FSTL4: variants seen among roughly 807,000 people sequenced by gnomAD.
FSTL4 encodes the protein follistatin like 4, also known as follistatin-related protein 4.
A neutral mutation model predicts 78.2 loss-of-function variants in FSTL4; 28 were observed. That is an observed-to-expected ratio of 0.36 (90% CI 0.27 to 0.49). FSTL4 has a LOEUF of 0.49. Among genes scored for constraint, FSTL4 ranks in the 20% least tolerant of loss-of-function variants. The probability of loss-of-function intolerance (pLI) is 0.98; values close to 1 mark genes in which losing one functional copy is unlikely to be tolerated. For synonymous variants in FSTL4, 422 were observed against 440.5 expected (o/e 0.96, Z 0.53); for missense variants, 922 against 1,084.9 (o/e 0.85, Z 2.11).
At chr5:133,514,422 G>A (rs1015465340) in intron 3 of FSTL4, among the ~76,000 whole-genome samples, 38 of 152,146 alleles carry the variant, frequency 2.5e-4, no homozygotes, top group African/African-American at 8.2e-4. Context: ...AACCAGTAAA[G>A]AGCAGAACTG....
At chr5:133,352,625 G>A (rs769167302) in intron 4 of FSTL4, among the ~76,000 whole-genome samples, 1 of 152,024 alleles carries the variant, frequency 6.6e-6, no homozygotes, top group Non-Finnish European at 1.5e-5. Flanking sequence ...GCCCAGGCCG[G>A]TCTCAAATAC....
chr5:133,393,327 G>A (rs766212654), intron 4 of FSTL4, among the ~76,000 whole-genome samples: 10 of 152,312 alleles, frequency 6.6e-5, no homozygotes, highest in Non-Finnish European at 1.2e-4. Context: ...GATGTGTGGC[G>A]TTTCTTTTGG....
chr5:133,748,217 A>G, the FSTL4 span, among the ~76,000 whole-genome samples: 6 of 148,574 alleles, frequency 4.0e-5, no homozygotes, highest in Admixed American at 4.1e-4. Flanking sequence ...AAAAAAAAAA[A>G]GCCCAAACCC....
At chr5:133,562,699 C>T (rs568744138) in intron 3 of FSTL4, among the ~76,000 whole-genome samples, 2 of 152,288 alleles carry the variant, frequency 1.3e-5, no homozygotes, top group Admixed American at 1.3e-4. Context: ...CATTGGTGCT[C>T]ATCCCCAAAC....
chr5:133,715,636 T>C, the FSTL4 span, among the ~76,000 whole-genome samples: 1 of 152,220 alleles, frequency 6.6e-6, no homozygotes, highest in African/African-American at 2.4e-5. Flanking sequence ...GCTCTTAAAC[T>C]TCTCAAAGGA....
the FSTL4 span, among the ~76,000 whole-genome samples, chr5:133,749,176 A>T: frequency 6.6e-6 from 1 of 152,218 alleles, no homozygotes; most frequent in Non-Finnish European, 1.5e-5. Flanking sequence ...GAATGCAGTG[A>T]TGAATGAACA....
intron 4 of FSTL4, among the ~76,000 whole-genome samples, chr5:133,317,193 G>A (rs942808452): frequency 3.9e-5 from 6 of 152,156 alleles, no homozygotes; most frequent in African/African-American, 1.2e-4. Context: ...ACAAGTCTAT[G>A]ACCAAGAAAC....
chr5:133,379,083 T>C (rs1261358501), intron 4 of FSTL4, among the ~76,000 whole-genome samples: 2 of 151,932 alleles, frequency 1.3e-5, no homozygotes, highest in Non-Finnish European at 2.9e-5. Flanking sequence ...AAAAAGAAAC[T>C]ATAAGAAAGC....
chr5:133,748,207 A>G, the FSTL4 span, among the ~76,000 whole-genome samples: 5 of 85,324 alleles, frequency 5.9e-5, no homozygotes, highest in East Asian at 4.1e-4. Context: ...AAAGAAGAAG[A>G]AAAAAAAAAA....
the FSTL4 span, among the ~76,000 whole-genome samples, chr5:133,769,621 G>T: frequency 2.6e-5 from 4 of 152,116 alleles, no homozygotes; most frequent in African/African-American, 9.7e-5. Flanking sequence ...CTTCTGTGGG[G>T]TTATAGATGG....
At chr5:133,613,085 C>T (rs1761138368), upstream of FSTL4, among the ~76,000 whole-genome samples, 1 of 152,222 alleles carries the variant, frequency 6.6e-6, no homozygotes, top group East Asian at 1.9e-4. Context: ...TGACATTTGC[C>T]TACCTGACCT....
chr5:133,268,893 C>G (rs1322966388), intron 6 of FSTL4, among the ~76,000 whole-genome samples: 1 of 152,058 alleles, frequency 6.6e-6, no homozygotes, highest in Non-Finnish European at 1.5e-5. Context: ...TTTGAAAGAG[C>G]CAGGCAGGCT....
the FSTL4 span, among the ~76,000 whole-genome samples, chr5:133,626,580 T>C: frequency 6.6e-6 from 1 of 151,488 alleles, no homozygotes; most frequent in South Asian, 2.1e-4. Flanking sequence ...TTTGATATGA[T>C]GTGTTCTCAT....
At chr5:133,797,621 G>A in the FSTL4 span, among the ~76,000 whole-genome samples, 2 of 152,090 alleles carry the variant, frequency 1.3e-5, no homozygotes, top group Admixed American at 6.5e-5. Flanking sequence ...AGATTTCTCT[G>A]GGGTCCTCTT....
At chr5:133,788,675 G>C in the FSTL4 span, among the ~76,000 whole-genome samples, 1 of 152,330 alleles carries the variant, frequency 6.6e-6, no homozygotes, top group Non-Finnish European at 1.5e-5. Context: ...CCCAGACCAT[G>C]CTCATTGTTC....
chr5:133,214,011 G>A (rs1750826387), intron 13 of FSTL4, among the ~76,000 whole-genome samples: 1 of 152,114 alleles, frequency 6.6e-6, no homozygotes, highest in Admixed American at 6.5e-5. Context: ...GATAAAGAGG[G>A]ATATTTTGTA....
chr5:133,461,292 C>T (rs907541520), intron 3 of FSTL4, among the ~76,000 whole-genome samples: 4 of 152,226 alleles, frequency 2.6e-5, no homozygotes, highest in African/African-American at 9.7e-5. Context: ...CCATCCTCCC[C>T]TGTCATAACA....
intron 3 of FSTL4, among the ~76,000 whole-genome samples, chr5:133,546,725 A>G (rs985148963): frequency 6.6e-6 from 1 of 152,100 alleles, no homozygotes; most frequent in Non-Finnish European, 1.5e-5. Context: ...TCAGGAAATG[A>G]GCCCAGGGCA....
At chr5:133,254,948 T>A (rs1485046129) in intron 6 of FSTL4, among the ~76,000 whole-genome samples, 1 of 152,180 alleles carries the variant, frequency 6.6e-6, no homozygotes, top group Non-Finnish European at 1.5e-5. Flanking sequence ...TGGTCTCTGC[T>A]CTGGTGGGGA....
Sources: allele counts gnomAD v4.1 joint callset (sites outside exome capture counted in the v4.1 genomes callset), GRCh38; gene constraint gnomAD v4.1.1; transcripts MANE v1.5; gene names NCBI Gene and HGNC (gene_info 2026-07-23, HGNC 2026-07-21).